The following CAP2 variants were observed in gnomAD, a reference collection of about 807,000 sequenced individuals.
The protein encoded by CAP2 is adenylyl cyclase-associated protein 2.
Under a neutral mutation model 57.7 loss-of-function variants are expected in CAP2, and 24 were observed. That is an observed-to-expected ratio of 0.42 (90% CI 0.30 to 0.58). The LOEUF (loss-of-function observed/expected upper bound fraction) is 0.58, where lower values mean the gene tolerates loss of function less well. Among genes scored for constraint, CAP2 ranks in the 20% least tolerant of loss-of-function variants. The pLI is 0.22. For synonymous variants in CAP2, 194 were observed against 207.2 expected (o/e 0.94, Z 0.55); for missense variants, 501 against 590.3 (o/e 0.85, Z 1.57).
intron 4 of CAP2, among the ~76,000 whole-genome samples, chr6:17,482,845 C>T (rs887594982): frequency 1.3e-5 from 2 of 152,216 alleles, no homozygotes; most frequent in Non-Finnish European, 2.9e-5. Context: ...TTCTGAAGTA[C>T]TTAGGGTAAG....
intron 7 of CAP2, among the ~76,000 whole-genome samples, chr6:17,528,155 C>T (rs1762554954): frequency 6.6e-6 from 1 of 152,194 alleles, no homozygotes; most frequent in Non-Finnish European, 1.5e-5. Context: ...TTTTGCCCAA[C>T]CGTGGACTAA....
intron 6 of CAP2, among the ~76,000 whole-genome samples, chr6:17,509,660 G>T (rs796877095): frequency 2.6e-5 from 4 of 152,092 alleles, no homozygotes; most frequent in African/African-American, 9.6e-5. Flanking sequence ...GGGTGACAAA[G>T]TGAGACTCCA....
chr6:17,476,327 G>T (rs1020231205), intron 4 of CAP2, among the ~76,000 whole-genome samples: 5 of 152,106 alleles, frequency 3.3e-5, no homozygotes, highest in African/African-American at 9.7e-5. Flanking sequence ...ATGATGGATG[G>T]CCATAGTAAA....
intron 4 of CAP2, among the ~76,000 whole-genome samples, chr6:17,491,402 G>T (rs150120453): frequency 5.1e-4 from 77 of 152,192 alleles, no homozygotes; most frequent in African/African-American, 1.8e-3. Context: ...ATTCCATTTC[G>T]TCCAGCTATC....
At chr6:17,440,966 C>T (rs1210594918) in intron 3 of CAP2, among the ~76,000 whole-genome samples, 1 of 151,254 alleles carries the variant, frequency 6.6e-6, no homozygotes, top group Non-Finnish European at 1.5e-5. Flanking sequence ...TGATGGTTTC[C>T]AGCTTCATCC....
At chr6:17,477,944 T>C (rs944435717) in intron 4 of CAP2, among the ~76,000 whole-genome samples, 32 of 150,082 alleles carry the variant, frequency 2.1e-4, no homozygotes, top group African/African-American at 7.8e-4. Context: ...TTTTAACTTA[T>C]ATAATTACTA....
At chr6:17,438,404 T>G (rs9370988) in intron 3 of CAP2, among the ~76,000 whole-genome samples, 84,586 of 134,622 alleles carry the variant, frequency 0.63, 28,393 homozygotes, top group East Asian at 0.85. Flanking sequence ...TGTTGGTTTT[T>G]TTGTTTGCTT....
At chr6:17,491,257 T>G (rs1179510634) in intron 4 of CAP2, among the ~76,000 whole-genome samples, 1 of 152,040 alleles carries the variant, frequency 6.6e-6, no homozygotes, top group Non-Finnish European at 1.5e-5. Flanking sequence ...TGCCTGAGAT[T>G]CTCAAAAAGA....
At chr6:17,519,383 G>A (rs972157084) in intron 7 of CAP2, among the ~76,000 whole-genome samples, 6 of 152,150 alleles carry the variant, frequency 3.9e-5, no homozygotes, top group African/African-American at 1.4e-4. Context: ...GGAGGCAGCT[G>A]TGGAATAATC....
chr6:17,441,170 T>A (rs149174260), intron 3 of CAP2, among the ~76,000 whole-genome samples: 1 of 151,602 alleles, frequency 6.6e-6, no homozygotes, highest in East Asian at 1.9e-4. Context: ...TTCTTCATAT[T>A]GAGTCATTCT....
intron 7 of CAP2, among the ~76,000 whole-genome samples, chr6:17,517,499 A>G (rs1464014029): frequency 1.3e-5 from 2 of 152,256 alleles, no homozygotes; most frequent in African/African-American, 4.8e-5. Context: ...TACTATGTAC[A>G]ACACATTCAG....
chr6:17,400,846 C>G (rs1758791421), intron 1 of CAP2, among the ~76,000 whole-genome samples: 2 of 138,776 alleles, frequency 1.4e-5, no homozygotes, highest in Non-Finnish European at 3.0e-5. Context: ...GCCTGGGCAA[C>G]AGAGTGAGAC....
At chr6:17,413,423 G>A (rs1040431649) in intron 1 of CAP2, among the ~76,000 whole-genome samples, 2 of 152,130 alleles carry the variant, frequency 1.3e-5, no homozygotes, top group Admixed American at 6.6e-5. Context: ...CAACGTGAAT[G>A]TATCTCTTAG....
chr6:17,548,344 C>T (rs577935433), intron 11 of CAP2, among the ~76,000 whole-genome samples: 24 of 147,228 alleles, frequency 1.6e-4, no homozygotes, highest in African/African-American at 4.8e-4. Context: ...TCCAGCCTGG[C>T]AACAGAGCTA....
chr6:17,493,426 C>A (rs1761591268), intron 4 of CAP2: 2 of 340,726 alleles, frequency 5.9e-6, no homozygotes, highest in Admixed American at 3.3e-5. Context: ...GGAAATTAAA[C>A]AAAAATAATT....
chr6:17,425,016 A>C (rs952639941), intron 2 of CAP2, among the ~76,000 whole-genome samples: 3 of 152,232 alleles, frequency 2.0e-5, no homozygotes, highest in Non-Finnish European at 2.9e-5. Context: ...AAGATAACTC[A>C]GCTTCAACGT....
At chr6:17,395,862 A>C (rs1158904411) in intron 1 of CAP2, among the ~76,000 whole-genome samples, 1 of 152,200 alleles carries the variant, frequency 6.6e-6, no homozygotes, top group Non-Finnish European at 1.5e-5. Context: ...AGTTGTGAAA[A>C]GATAGCTCAT....
At chr6:17,463,688 T>C (rs936857890) in intron 4 of CAP2, among the ~76,000 whole-genome samples, 1 of 152,206 alleles carries the variant, frequency 6.6e-6, no homozygotes, top group Non-Finnish European at 1.5e-5. Context: ...TGCTTTTTAA[T>C]AAGCTCCTGC....
intron 4 of CAP2, among the ~76,000 whole-genome samples, chr6:17,503,933 A>G (rs1037589115): frequency 6.6e-6 from 1 of 152,238 alleles, no homozygotes; most frequent in African/African-American, 2.4e-5. Flanking sequence ...AGAGCTGACT[A>G]GCTTCTGCAG....
Sources: allele counts gnomAD v4.1 joint callset (sites outside exome capture counted in the v4.1 genomes callset), GRCh38; gene constraint gnomAD v4.1.1; transcripts MANE v1.5; gene names NCBI Gene and HGNC (gene_info 2026-07-23, HGNC 2026-07-21).